The following VIPR2 variants were observed in gnomAD, a reference collection of about 807,000 sequenced individuals.
VIPR2 encodes the protein vasoactive intestinal peptide receptor 2, also known as vasoactive intestinal polypeptide receptor 2.
Under a neutral mutation model 58.0 loss-of-function variants are expected in VIPR2, and 48 were observed. The observed-to-expected ratio is 0.83, with a 90% confidence interval of 0.66 to 1.05. The LOEUF (loss-of-function observed/expected upper bound fraction) is 1.05. Among genes scored for constraint, VIPR2 ranks in the 50% least tolerant of loss-of-function variants. The pLI, the probability that VIPR2 is intolerant of heterozygous loss-of-function variation, is 0.00. For missense variants in VIPR2, 534 were observed against 558.0 expected, an observed-to-expected ratio of 0.96 and a Z score of 0.43; for synonymous variants, 243 against 235.2, an observed-to-expected ratio of 1.03 and a Z score of -0.30.
At chr7:159,090,213 T>C (rs1317856092) in intron 4 of VIPR2, among the ~76,000 whole-genome samples, 1 of 110,724 alleles carries the variant, frequency 9.0e-6, no homozygotes, top group Non-Finnish European at 1.8e-5. Context: ...CACACTGGGA[T>C]CACGCACAGG....
At position 159,031,890 on chromosome 7, in the gene VIPR2, C is replaced by CA; in HGVS notation, c.1102-22dup. On this transcript the variant is annotated intron_variant, in intron 11 of 12. Transcript: ENST00000262178. This position sits in a 1 kb window ranked among gnomAD's most constrained non-coding sequence, Gnocchi z 4.0. ...AGGCCCTGCAATGAGAAGAGATGGT[C>CA]AGGCAGGACCCGCGCTCGGGGGAGG... The CA allele has an allele frequency of 6.2e-7, 1 of 1,614,094 alleles. No homozygotes were observed. The highest frequency in any genetic ancestry group is 8.5e-7 in the Non-Finnish European group (1 of 1,180,038).
At chr7:159,103,976 G>C (rs1184563133) in intron 3 of VIPR2, 122 bp from the exon 4 acceptor site, 1 of 800,924 alleles carries the variant, frequency 1.2e-6, no homozygotes, top group East Asian at 2.7e-5. Context: ...GGTCAGCTAG[G>C]AGACAGGACT....
intron 4 of VIPR2, among the ~76,000 whole-genome samples, chr7:159,101,710 G>T (rs6459920): frequency 0.092 from 10,710 of 116,120 alleles, 454 homozygotes; most frequent in African/African-American, 0.14. Context: ...AGGCGGTTCC[G>T]ACTGTTCCTG....
intron 4 of VIPR2, chr7:159,059,350 G>C (rs1292074528): frequency 6.4e-6 from 3 of 471,302 alleles, no homozygotes; most frequent in South Asian, 4.6e-5. Flanking sequence ...TCTTGATAAA[G>C]CTAATTCCTA....
In VIPR2 at chr7:159,073,288, C is replaced by T. The variant is rs537998376; in HGVS notation, c.358-14710G>A. On this transcript the variant is annotated intron_variant, in intron 4 of 12. Coordinates refer to ENST00000262178, the MANE Select transcript of VIPR2 (RefSeq NM_003382.5). ...GATCAGTTTAGGAGTATACTAAATACACACACCTCAATCAAGTAGATTTTC... is the reference window on the plus strand; with the variant it reads ...GATCAGTTTAGGAGTATACTAAATATACACACCTCAATCAAGTAGATTTTC... 4.6e-5 allele frequency among the ~76,000 whole-genome samples: 7 copies of T among 152,274 alleles called. No homozygotes were observed. In the East Asian group the frequency reaches 7.7e-4, roughly 17 times the overall value.
At position 159,122,380 on chromosome 7, in the gene VIPR2, T is replaced by G. The variant is rs372262129; in HGVS notation, c.152-12461A>C. Among the ~76,000 whole-genome samples the G allele has an allele frequency of 1.2e-4, 19 of 152,352 alleles. No homozygotes were observed. The East Asian group carries it at 3.3e-3, about 26-fold the overall frequency. On this transcript the variant is annotated intron_variant, in intron 2 of 12. Coordinates refer to ENST00000262178, the MANE Select transcript of VIPR2 (RefSeq NM_003382.5). The stretch of plus-strand genomic sequence containing the variant: ...GCAGAGACGAGGCTCCAGGGGCAAG[T>G]GTGCTCCCATCGGAATCTCTCTTTG...
chr7:159,100,730 G>A (rs1225157672), intron 4 of VIPR2, among the ~76,000 whole-genome samples: 1 of 152,180 alleles, frequency 6.6e-6, no homozygotes, highest in Non-Finnish European at 1.5e-5. Context: ...CACGAGATCC[G>A]ATGAGGCGGT....
Position 159,099,295 on chromosome 7 carries a change from C to G in VIPR2, c.357+4462G>C, listed in dbSNP as rs1858064959. ...TAGTTCTTCAGACTAAACAGCAAAG[C>G]ATCAGGGGATCACAGAGCCACTATG... is the stretch of plus-strand genomic sequence containing the variant. On this transcript the variant is annotated intron_variant, in intron 4 of 12. Transcript: ENST00000262178. This position sits in a 1 kb window ranked among gnomAD's most constrained non-coding sequence, Gnocchi z 4.2. 6.6e-6 allele frequency among the ~76,000 whole-genome samples: 1 copy of G among 152,206 alleles called. No individual in the cohort carries two copies. Among genetic ancestry groups the G allele is most frequent in the East Asian group, 1.9e-4 (1 of 5,204 alleles).
At chr7:159,094,169 G>T (rs1414112612) in intron 4 of VIPR2, among the ~76,000 whole-genome samples, 1 of 152,172 alleles carries the variant, frequency 6.6e-6, no homozygotes, top group Non-Finnish European at 1.5e-5. Context: ...CCATCCCCAT[G>T]GGAGCCAGGG....
chr7:159,058,661 T>A, intron 4 of VIPR2, 83 bp from the exon 5 acceptor site: 1 of 1,064,810 alleles, frequency 9.4e-7, no homozygotes, highest in Non-Finnish European at 1.4e-6. Context: ...TCCAGCCCTG[T>A]GCTCTGGCCA....
chr7:159,031,992 G>C lies in VIPR2; in HGVS notation c.1047C>G (p.Ile349Met). The stretch of plus-strand genomic sequence containing the variant: ...GTATCTGGTATTTGGAGGAGATGCT[G>C]ATGGGAAACACGGCAAACACCATGT... ...VHYMVFAVFP[I>M]SISSKYQILF... Residue 349 changes from isoleucine to methionine, a missense_variant, in exon 11 of 13, where the codon ATC becomes ATG. Coordinates refer to ENST00000262178, the MANE Select transcript of VIPR2 (RefSeq NM_003382.5). The surrounding 1 kb of genome is among the most constrained non-coding windows in gnomAD (Gnocchi z 4.0). 5 of 1,614,204 alleles carry C rather than the reference G, an allele frequency of 3.1e-6. No individual in the cohort carries two copies. The highest frequency in any genetic ancestry group is 4.2e-6 in the Non-Finnish European group (5 of 1,180,046).
intron 4 of VIPR2, among the ~76,000 whole-genome samples, chr7:159,063,761 C>T (rs543955562): frequency 2.0e-3 from 61 of 30,904 alleles, no homozygotes; most frequent in African/African-American, 3.7e-3. Flanking sequence ...GGGGACCTGG[C>T]GGGGTCTGGG....
At chr7:159,120,749 C>T (rs993712114) in intron 2 of VIPR2, among the ~76,000 whole-genome samples, 5 of 152,178 alleles carry the variant, frequency 3.3e-5, no homozygotes, top group African/African-American at 1.2e-4. Flanking sequence ...CCACCGCACC[C>T]TATTTATGAC....
chr7:159,062,782 C>G (rs1013408894), intron 4 of VIPR2, among the ~76,000 whole-genome samples: 1 of 152,210 alleles, frequency 6.6e-6, no homozygotes, highest in East Asian at 1.9e-4. Context: ...TGCTTTTATT[C>G]CCTTATCTGG....
chr7:159,100,163 GT>G (rs1452938064), intron 4 of VIPR2, among the ~76,000 whole-genome samples: 2 of 152,158 alleles, frequency 1.3e-5, no homozygotes, highest in African/African-American at 4.8e-5. Context: ...GCCAGGAGCT[GT>G]CCCGACCAGA....
intron 6 of VIPR2, among the ~76,000 whole-genome samples, chr7:159,039,846 A>G (rs572253900): frequency 1.3e-5 from 2 of 152,332 alleles, no homozygotes; most frequent in South Asian, 4.1e-4. Context: ...ATAAAGACGC[A>G]TGTCCGGTGA....
At chr7:159,085,611 G>T (rs989633932) in intron 4 of VIPR2, among the ~76,000 whole-genome samples, 2 of 152,212 alleles carry the variant, frequency 1.3e-5, no homozygotes, top group Admixed American at 1.3e-4. Flanking sequence ...TGAGTTTAAG[G>T]ACACGGCTGT....
chr7:159,054,154 C>T lies in VIPR2; in HGVS notation c.455+4327G>A, dbSNP rs114684600. ...GTACCCGCTCCCGGACAACGGGATACACACACTGAAAGCCCTAAAGAAACT... is the reference window on the plus strand; with the variant it reads ...GTACCCGCTCCCGGACAACGGGATATACACACTGAAAGCCCTAAAGAAACT... On this transcript the variant is annotated intron_variant, in intron 5 of 12. Coordinates refer to ENST00000262178, the MANE Select transcript of VIPR2 (RefSeq NM_003382.5). Among the ~76,000 whole-genome samples, 947 of 152,300 alleles carry T rather than the reference C, an allele frequency of 6.2e-3. 6 individuals are homozygous for T. The highest frequency in any genetic ancestry group is 0.022 in the African/African-American group (910 of 41,558).
At position 159,097,518 on chromosome 7, in the gene VIPR2, G is replaced by A. The variant is rs572328006; in HGVS notation, c.357+6239C>T. On this transcript the variant is annotated intron_variant, in intron 4 of 12. Coordinates refer to ENST00000262178, the MANE Select transcript of VIPR2 (RefSeq NM_003382.5). The surrounding 1 kb of genome is among the most constrained non-coding windows in gnomAD (Gnocchi z 5.3). ...CCACCACAGAAGCAATGGCAGGGCTGTGAGTGCCCAGGGTGTTAGAGATTC... is the reference window on the plus strand; with the variant it reads ...CCACCACAGAAGCAATGGCAGGGCTATGAGTGCCCAGGGTGTTAGAGATTC... Among the ~76,000 whole-genome samples, 1 of 152,074 alleles carries A rather than the reference G, an allele frequency of 6.6e-6. No homozygotes were observed. Among genetic ancestry groups the A allele is most frequent in the Non-Finnish European group, 1.5e-5 (1 of 68,014 alleles).
Sources: allele counts gnomAD v4.1 joint callset (sites outside exome capture counted in the v4.1 genomes callset), GRCh38; gene constraint gnomAD v4.1.1; non-coding constraint Gnocchi (gnomAD v3.1); transcripts MANE v1.5; gene names NCBI Gene and HGNC (gene_info 2026-07-23, HGNC 2026-07-21).